NMNAT1: variants seen among roughly 807,000 people sequenced by gnomAD.
NMNAT1 encodes the protein nicotinamide/nicotinic acid mononucleotide adenylyltransferase 1.
In NMNAT1, 11 loss-of-function variants were observed where a neutral mutation model predicts 16.7. The ratio of observed to expected loss-of-function variants is 0.66; its 90% confidence interval spans 0.41 to 1.09. The LOEUF is 1.09. Among genes scored for constraint, NMNAT1 ranks in the 50% least tolerant of loss-of-function variants. The probability of loss-of-function intolerance (pLI) is 0.00; values close to 1 mark genes in which losing one functional copy is unlikely to be tolerated. For missense variants in NMNAT1, 280 were observed against 332.3 expected, an observed-to-expected ratio of 0.84 and a Z score of 1.22; for synonymous variants, 110 against 119.8, an observed-to-expected ratio of 0.92 and a Z score of 0.53.
At chr1:9,980,410 G>C (rs1641914567) in intron 3 of NMNAT1, among the ~76,000 whole-genome samples, 1 of 151,056 alleles carries the variant, frequency 6.6e-6, no homozygotes, top group Non-Finnish European at 1.5e-5. Context: ...CTTGAGGTCA[G>C]AAGTTCAAGA....
At chr1:9,966,174 C>G (rs2101678959) in intron 1 of NMNAT1, among the ~76,000 whole-genome samples, 1 of 150,128 alleles carries the variant, frequency 6.7e-6, no homozygotes, top group Admixed American at 6.7e-5. Flanking sequence ...TGGGGCATGC[C>G]TGTAGTCCCA....
At chr1:9,947,906 C>G (rs1641015371) in intron 1 of NMNAT1, among the ~76,000 whole-genome samples, 1 of 152,174 alleles carries the variant, frequency 6.6e-6, no homozygotes, top group Non-Finnish European at 1.5e-5. Flanking sequence ...TAGAGAGATC[C>G]TTAAAAATAT....
the NMNAT1 span, among the ~76,000 whole-genome samples, chr1:9,994,743 C>T: frequency 6.6e-6 from 1 of 151,922 alleles, no homozygotes; most frequent in African/African-American, 2.4e-5. Context: ...TCCCGAGTAG[C>T]TGGGACTACA....
At chr1:9,989,171 AC>A (rs1469619863), downstream of NMNAT1, among the ~76,000 whole-genome samples, 1 of 151,926 alleles carries the variant, frequency 6.6e-6, no homozygotes, top group African/African-American at 2.4e-5. Context: ...GCCCATGAAA[AC>A]CCCAGGCTCA....
downstream of NMNAT1, among the ~76,000 whole-genome samples, chr1:9,987,557 G>A (rs950968286): frequency 7.3e-5 from 11 of 150,658 alleles, no homozygotes; most frequent in Admixed American, 4.6e-4. Context: ...GGAGAATGGC[G>A]TGAACCCAGG....
At chr1:9,973,273 C>A (rs889787077) in intron 2 of NMNAT1, among the ~76,000 whole-genome samples, 1 of 152,036 alleles carries the variant, frequency 6.6e-6, no homozygotes, top group South Asian at 2.1e-4. Context: ...TGTGCCACCA[C>A]GCCCGGCTAA....
At chr1:9,975,113 G>C (rs1641776602) in intron 2 of NMNAT1, among the ~76,000 whole-genome samples, 1 of 152,170 alleles carries the variant, frequency 6.6e-6, no homozygotes, top group Non-Finnish European at 1.5e-5. Context: ...TAATATCATA[G>C]AACTGTACGC....
At chr1:9,946,111 A>G (rs576819171) in intron 1 of NMNAT1, among the ~76,000 whole-genome samples, 2 of 152,280 alleles carry the variant, frequency 1.3e-5, no homozygotes, top group African/African-American at 4.8e-5. Context: ...GTGTAGTTTT[A>G]GCGTGTGCAG....
At chr1:9,965,484 A>T (rs948360231) in intron 1 of NMNAT1, among the ~76,000 whole-genome samples, 1 of 149,662 alleles carries the variant, frequency 6.7e-6, no homozygotes, top group Non-Finnish European at 1.5e-5. Flanking sequence ...GCTCACTGCA[A>T]CCCCTGCCTG....
At chr1:9,995,398 C>G in the NMNAT1 span, among the ~76,000 whole-genome samples, 1 of 151,932 alleles carries the variant, frequency 6.6e-6, no homozygotes. Flanking sequence ...GACTCTATCT[C>G]AAAAAATAGT....
At chr1:9,993,681 A>C in the NMNAT1 span, among the ~76,000 whole-genome samples, 1 of 152,156 alleles carries the variant, frequency 6.6e-6, no homozygotes, top group African/African-American at 2.4e-5. Flanking sequence ...ACTTGGGTTA[A>C]GATGGTAGAA....
At chr1:9,946,623 G>A (rs1441991870) in intron 1 of NMNAT1, among the ~76,000 whole-genome samples, 1 of 152,206 alleles carries the variant, frequency 6.6e-6, no homozygotes. Context: ...ACCATTGTAA[G>A]TCTTGCATAA....
At chr1:9,951,021 G>A (rs1641094722) in intron 1 of NMNAT1, among the ~76,000 whole-genome samples, 1 of 151,820 alleles carries the variant, frequency 6.6e-6, no homozygotes, top group Non-Finnish European at 1.5e-5. Flanking sequence ...TCCAGGAGGA[G>A]GAGGTTGCAG....
the NMNAT1 span, among the ~76,000 whole-genome samples, chr1:9,994,845 C>T: frequency 6.6e-6 from 1 of 152,014 alleles, no homozygotes; most frequent in Admixed American, 6.6e-5. Flanking sequence ...ATCTCCTGAC[C>T]TCGTGATCTG....
the NMNAT1 span, among the ~76,000 whole-genome samples, chr1:9,996,173 T>A: frequency 1.3e-5 from 2 of 150,634 alleles, no homozygotes; most frequent in East Asian, 2.0e-4. Context: ...TAGCCGGGCG[T>A]GTTGGCGGGC....
intron 1 of NMNAT1, among the ~76,000 whole-genome samples, chr1:9,952,860 C>T (rs560043029): frequency 2.5e-3 from 380 of 152,200 alleles, no homozygotes; most frequent in Non-Finnish European, 4.1e-3. Context: ...TGAGCCACCA[C>T]GCTCGGCTAG....
At chr1:9,971,924 T>G (rs1641697926) in intron 1 of NMNAT1, 94 bp from the exon 2 acceptor site, 2 of 608,084 alleles carry the variant, frequency 3.3e-6, no homozygotes, top group Non-Finnish European at 6.0e-6. Flanking sequence ...CAGCTGTGGT[T>G]GCATCACTAC....
At chr1:9,975,474 G>C in intron 2 of NMNAT1, 118 bp from the exon 3 acceptor site, 1 of 800,144 alleles carries the variant, frequency 1.2e-6, no homozygotes, top group Non-Finnish European at 1.9e-6. Flanking sequence ...GCGGCCTGGG[G>C]AACAGAGCAA....
intron 2 of NMNAT1, among the ~76,000 whole-genome samples, chr1:9,974,217 A>AT (rs771816085): frequency 0.025 from 3,525 of 142,550 alleles, 42 homozygotes; most frequent in Non-Finnish European, 0.03. Flanking sequence ...GTATACACAG[A>AT]TTTTTTTTTT....
Sources: gnomAD v4.1 joint callset for allele counts (sites outside exome capture counted in the v4.1 genomes callset) on GRCh38, gnomAD v4.1.1 for gene constraint, MANE v1.5 for transcripts, NCBI Gene and HGNC (gene_info 2026-07-23, HGNC 2026-07-21) for gene names.